Variants in PUM1 observed in about 807,000 individuals in gnomAD.
PUM1 encodes the protein pumilio homolog 1.
A neutral mutation model predicts 131.8 loss-of-function variants in PUM1; 13 were observed. The ratio of observed to expected loss-of-function variants is 0.10; its 90% confidence interval spans 0.06 to 0.16. PUM1 has a LOEUF of 0.16. PUM1 is among the 10% of genes least tolerant of loss of function. The pLI, the probability that PUM1 is intolerant of heterozygous loss-of-function variation, is 1.00. For missense variants in PUM1, 961 were observed against 1,512.4 expected (o/e 0.64, Z 6.05); for synonymous variants, 509 against 556.5 (o/e 0.91, Z 1.20).
chr1:30,970,803 T>C (rs920767607), intron 10 of PUM1, among the ~76,000 whole-genome samples: 2 of 152,176 alleles, frequency 1.3e-5, no homozygotes, highest in Admixed American at 6.5e-5. Context: ...TAGTTCAAAA[T>C]TGCTGAAGAT....
intron 2 of PUM1, among the ~76,000 whole-genome samples, chr1:31,052,025 T>C (rs966810344): frequency 6.6e-6 from 1 of 152,114 alleles, no homozygotes; most frequent in African/African-American, 2.4e-5. Context: ...CTTTTTTTTT[T>C]CTTTGGAGAC....
intron 1 of PUM1, among the ~76,000 whole-genome samples, chr1:31,062,458 A>G (rs1353216116): frequency 2.0e-5 from 3 of 152,026 alleles, no homozygotes; most frequent in Non-Finnish European, 4.4e-5. Flanking sequence ...CGTCTCTACT[A>G]AAAATATAAA....
intron 2 of PUM1, among the ~76,000 whole-genome samples, chr1:31,032,653 T>A (rs1239511916): frequency 1.3e-5 from 2 of 151,830 alleles, no homozygotes; most frequent in East Asian, 3.9e-4. Context: ...AAATTAAAAG[T>A]ATCACTTTAC....
At chr1:31,032,694 C>A (rs1643474299) in intron 2 of PUM1, among the ~76,000 whole-genome samples, 1 of 152,150 alleles carries the variant, frequency 6.6e-6, no homozygotes, top group African/African-American at 2.4e-5. Flanking sequence ...GTAGTCCCAG[C>A]TACTCATGAG....
At chr1:31,040,200 A>G (rs1212969659) in intron 2 of PUM1, among the ~76,000 whole-genome samples, 1 of 152,156 alleles carries the variant, frequency 6.6e-6, no homozygotes, top group Non-Finnish European at 1.5e-5. Flanking sequence ...GATCACAGGC[A>G]TGAGCCACCA....
At position 31,032,608 on chromosome 1, in the gene PUM1, A is replaced by G. The variant is rs888843347; in HGVS notation, c.364-3744T>C. Among the ~76,000 whole-genome samples, 8 of 151,684 alleles carry G rather than the reference A, an allele frequency of 5.3e-5. 1 individual carries two copies. In the East Asian group the frequency reaches 1.5e-3, roughly 29 times the overall value. On this transcript the variant is annotated intron_variant, in intron 2 of 21. Coordinates refer to ENST00000426105, the MANE Select transcript of PUM1 (RefSeq NM_001020658.2). The stretch of plus-strand genomic sequence containing the variant: ...AAAAGGTTTTTAATCAAATAGATAA[A>G]CCTGGAACTACATTACCACATTTTG...
intron 2 of PUM1, among the ~76,000 whole-genome samples, chr1:31,043,520 A>G (rs1476898015): frequency 1.3e-5 from 2 of 152,060 alleles, no homozygotes; most frequent in African/African-American, 2.4e-5. Flanking sequence ...AATAATTAAC[A>G]CCCAATTTGG....
At chr1:31,038,743 A>G (rs1211886996) in intron 2 of PUM1, among the ~76,000 whole-genome samples, 1 of 151,800 alleles carries the variant, frequency 6.6e-6, no homozygotes, top group East Asian at 1.9e-4. Context: ...AATATGTAAT[A>G]TGGGTTTGAT....
chr1:31,027,510 A>C (rs1293422670), intron 3 of PUM1, among the ~76,000 whole-genome samples: 1 of 152,184 alleles, frequency 6.6e-6, no homozygotes, highest in Non-Finnish European at 1.5e-5. Flanking sequence ...CAGTGACATT[A>C]GGCAGGCACA....
In PUM1 at chr1:31,036,962, A is replaced by G. The variant is rs183679267; in HGVS notation, c.364-8098T>C. On this transcript the variant is annotated intron_variant, in intron 2 of 21. Transcript: ENST00000426105. ...ATGAGAGAAGGTAAAGATACTGCTGATTACCATGGTTGTGGTTTCTTCCCT... is the reference window on the plus strand; with the variant it reads ...ATGAGAGAAGGTAAAGATACTGCTGGTTACCATGGTTGTGGTTTCTTCCCT... 2.3e-5 allele frequency: 4 copies of G among 172,766 alleles called. No homozygotes were observed. The East Asian group carries it at 4.5e-4, about 20-fold the overall frequency. The allele number at this position is 172,766 out of a possible 1,614,324, so 10.7% of individuals were successfully genotyped here. A position where few individuals can be genotyped will look rare whatever the true frequency, so the allele number is the denominator to read the frequency against.
At chr1:31,059,105 G>C (rs1644314963) in intron 2 of PUM1, 99 bp downstream of exon 2, 11 of 1,338,868 alleles carry the variant, frequency 8.2e-6, no homozygotes, top group Non-Finnish European at 1.0e-5. Flanking sequence ...AATGAAATCA[G>C]CAATTTAAGT....
chr1:30,993,239 GA>G (rs1641859163), intron 6 of PUM1, among the ~76,000 whole-genome samples: 1 of 150,528 alleles, frequency 6.6e-6, no homozygotes. Flanking sequence ...AGTACAAGAT[GA>G]ACTCATTATC....
intron 18 of PUM1, 73 bp from the exon 19 acceptor site, chr1:30,942,196 TATATATATATA>T: frequency 4.7e-5 from 1 of 21,394 alleles, no homozygotes; most frequent in African/African-American, 1.2e-4. Flanking sequence ...ATTGTTTATA[TATATATATATA>T]TATATATATA....
At chr1:31,057,858 T>C (rs911531145) in intron 2 of PUM1, among the ~76,000 whole-genome samples, 1 of 151,682 alleles carries the variant, frequency 6.6e-6, no homozygotes, top group Admixed American at 6.6e-5. Flanking sequence ...AGAAGCCTAA[T>C]GAAAAATGTC....
intron 5 of PUM1, among the ~76,000 whole-genome samples, chr1:31,003,069 G>A (rs1557580470): frequency 6.6e-6 from 1 of 152,140 alleles, no homozygotes. Context: ...TTGCTTTGAG[G>A]TCTACAATCA....
At chr1:31,010,364 CT>C (rs1642566624) in intron 3 of PUM1, among the ~76,000 whole-genome samples, 1 of 152,132 alleles carries the variant, frequency 6.6e-6, no homozygotes, top group Non-Finnish European at 1.5e-5. Flanking sequence ...TGACATGCCT[CT>C]AAGAAATAAC....
chr1:30,953,683 G>T, intron 15 of PUM1, 31 bp downstream of exon 15: 1 of 1,609,832 alleles, frequency 6.2e-7, no homozygotes, highest in South Asian at 1.1e-5. Context: ...ACAATTTCGG[G>T]TACCTTAAAG....
chr1:31,008,702 TTGA>T lies in PUM1; in HGVS notation c.433-1603_433-1601del, dbSNP rs1201723902. On this transcript the variant is annotated intron_variant, in intron 3 of 21. Transcript: ENST00000426105. Reference sequence around the variant, plus strand: ...GTTGCTGTGATGATTAGAAATATTGTTGATGAGTGCCTAGCACAACAGGTTCTC... The same window carrying T: ...GTTGCTGTGATGATTAGAAATATTGTTGAGTGCCTAGCACAACAGGTTCTC... Among the ~76,000 whole-genome samples the T allele has an allele frequency of 2.0e-5, 3 of 152,128 alleles. 1 individual carries two copies. The highest frequency in any genetic ancestry group is 2.0e-4 in the Admixed American group (3 of 15,274).
At chr1:30,946,008 C>A (rs911744682) in intron 17 of PUM1, among the ~76,000 whole-genome samples, 2 of 152,014 alleles carry the variant, frequency 1.3e-5, no homozygotes, top group African/African-American at 4.8e-5. Context: ...CTGTCTCGAA[C>A]TCCTGACCTC....
Sources: gnomAD v4.1 joint callset for allele counts (sites outside exome capture counted in the v4.1 genomes callset) on GRCh38, gnomAD v4.1.1 for gene constraint, MANE v1.5 for transcripts, NCBI Gene and HGNC (gene_info 2026-07-23, HGNC 2026-07-21) for gene names.